PSD3: variants seen among roughly 807,000 people sequenced by gnomAD.
The protein encoded by PSD3 is PH and SEC7 domain-containing protein 3.
Under a neutral mutation model 105.5 loss-of-function variants are expected in PSD3, and 49 were observed. The ratio of observed to expected loss-of-function variants is 0.46; its 90% CI spans 0.37 to 0.59. PSD3 has a LOEUF of 0.59. PSD3 is among the 20% of genes least tolerant of loss of function. PSD3 has a pLI of 0.00. For missense variants in PSD3, 1,561 were observed against 1,263.8 expected, an observed-to-expected ratio of 1.24 and a Z score of -3.57; for synonymous variants, 557 against 457.8, an observed-to-expected ratio of 1.22 and a Z score of -2.77.
At chr8:18,958,024 C>T (rs1329334340) in intron 1 of PSD3, among the ~76,000 whole-genome samples, 3 of 152,272 alleles carry the variant, frequency 2.0e-5, no homozygotes, top group African/African-American at 4.8e-5. Flanking sequence ...CAACTCAACT[C>T]TTAATAATTT....
At chr8:18,835,913 A>G (rs1814072085) in intron 4 of PSD3, among the ~76,000 whole-genome samples, 1 of 151,986 alleles carries the variant, frequency 6.6e-6, no homozygotes, top group South Asian at 2.1e-4. Flanking sequence ...CTTGGAGGTC[A>G]TGGTAAAGGC....
chr8:18,544,892 G>A (rs536472229), intron 15 of PSD3, among the ~76,000 whole-genome samples: 1 of 152,254 alleles, frequency 6.6e-6, no homozygotes, highest in African/African-American at 2.4e-5. Flanking sequence ...AGAGGAAGGA[G>A]AGCTGAGTGA....
At chr8:18,675,655 C>G (rs145913310) in intron 9 of PSD3, among the ~76,000 whole-genome samples, 7 of 151,936 alleles carry the variant, frequency 4.6e-5, no homozygotes, top group Non-Finnish European at 8.8e-5. Flanking sequence ...TCTACGTGTC[C>G]AAACAGGTAC....
At chr8:18,765,571 C>T (rs1806912942) in intron 8 of PSD3, 33 bp from the exon 9 acceptor site, 3 of 1,458,622 alleles carry the variant, frequency 2.1e-6, no homozygotes, top group Non-Finnish European at 2.9e-6. Context: ...ATCACTATGA[C>T]ATTCATGGAA....
In PSD3 at chr8:18,960,066, G is replaced by A. The variant is rs908905013; in HGVS notation, c.22-23924C>T. Among the ~76,000 whole-genome samples the A allele has an allele frequency of 4.6e-5, 7 of 152,254 alleles. No individual in the cohort carries two copies. The South Asian group carries it at 1.2e-3, about 27-fold the overall frequency. ...CATTATCGATTCCTTGGAATTCCTA[G>A]GGAACCTAATGCCTGGGCACTGTTT... On this transcript the variant is annotated intron_variant, in intron 1 of 15. Transcript: ENST00000327040.
At chr8:18,934,872 A>G (rs945757478) in intron 2 of PSD3, among the ~76,000 whole-genome samples, 1 of 152,234 alleles carries the variant, frequency 6.6e-6, no homozygotes, top group African/African-American at 2.4e-5. Flanking sequence ...GGTTTTCCAT[A>G]AAATTACACG....
At chr8:18,713,233 G>T (rs1802365268) in intron 9 of PSD3, among the ~76,000 whole-genome samples, 1 of 152,136 alleles carries the variant, frequency 6.6e-6, no homozygotes, top group Admixed American at 6.5e-5. Flanking sequence ...ACAAGACAAG[G>T]ATGCCCTCTT....
At chr8:18,582,233 C>G (rs1468521232) in intron 12 of PSD3, among the ~76,000 whole-genome samples, 1 of 152,144 alleles carries the variant, frequency 6.6e-6, no homozygotes, top group Non-Finnish European at 1.5e-5. Flanking sequence ...CCTCTGCATC[C>G]TCAACTCTCC....
intron 11 of PSD3, among the ~76,000 whole-genome samples, chr8:18,627,320 T>C (rs1565135): frequency 0.097 from 14,774 of 151,948 alleles, 1,012 homozygotes; most frequent in East Asian, 0.19. Flanking sequence ...TTTGTAGAGC[T>C]GCGTAAAACA....
At chr8:18,892,695 G>C (rs1322230186) in intron 2 of PSD3, among the ~76,000 whole-genome samples, 1 of 149,150 alleles carries the variant, frequency 6.7e-6, no homozygotes, top group African/African-American at 2.5e-5. Context: ...CGTCATCTTG[G>C]CTCACTGCAA....
chr8:18,806,767 T>G (rs529855049), intron 4 of PSD3, among the ~76,000 whole-genome samples: 1 of 152,310 alleles, frequency 6.6e-6, no homozygotes, highest in South Asian at 2.1e-4. Context: ...GTTCTTTAAC[T>G]TGGCTTGCAT....
chr8:18,720,386 T>A (rs973002623), intron 9 of PSD3, among the ~76,000 whole-genome samples: 1 of 152,142 alleles, frequency 6.6e-6, no homozygotes, highest in Non-Finnish European at 1.5e-5. Context: ...CACATTTTAA[T>A]AAAATATCTA....
At chr8:18,651,812 C>T (rs894954205) in intron 10 of PSD3, among the ~76,000 whole-genome samples, 3 of 152,162 alleles carry the variant, frequency 2.0e-5, no homozygotes, top group African/African-American at 7.2e-5. Flanking sequence ...TTATGGGATA[C>T]AGGTTCCTAG....
At chr8:18,962,556 T>C (rs1306531742) in intron 1 of PSD3, among the ~76,000 whole-genome samples, 2 of 152,196 alleles carry the variant, frequency 1.3e-5, no homozygotes, top group African/African-American at 4.8e-5. Flanking sequence ...TGCCTTTTTT[T>C]ACAAAGTAAA....
At chr8:18,667,214 A>G (rs556453349) in intron 9 of PSD3, among the ~76,000 whole-genome samples, 7 of 152,096 alleles carry the variant, frequency 4.6e-5, no homozygotes, top group African/African-American at 1.7e-4. Context: ...AGAGCCGATT[A>G]CTCTGTTTTA....
chr8:18,544,524 T>A (rs1800343904), intron 15 of PSD3, among the ~76,000 whole-genome samples: 1 of 152,124 alleles, frequency 6.6e-6, no homozygotes, highest in South Asian at 2.1e-4. Context: ...CACATTTTTA[T>A]TTATATAGTT....
chr8:19,049,503 A>G (rs564040710), intron 1 of PSD3, among the ~76,000 whole-genome samples: 1 of 152,140 alleles, frequency 6.6e-6, no homozygotes, highest in South Asian at 2.1e-4. Flanking sequence ...CAGCCCAGAC[A>G]ACATAGCAAG....
intron 11 of PSD3, among the ~76,000 whole-genome samples, chr8:18,600,689 G>A (rs1048168430): frequency 3.9e-5 from 6 of 152,108 alleles, no homozygotes; most frequent in Non-Finnish European, 7.4e-5. Flanking sequence ...TGAAACACAA[G>A]GCAATAACTT....
intron 15 of PSD3, among the ~76,000 whole-genome samples, chr8:18,549,656 T>C (rs181490335): frequency 6.6e-6 from 1 of 152,370 alleles, no homozygotes; most frequent in East Asian, 1.9e-4. Context: ...TCTGCCATCT[T>C]GCTGATGTCA....
Sources: allele counts gnomAD v4.1 joint callset (sites outside exome capture counted in the v4.1 genomes callset), GRCh38; gene constraint gnomAD v4.1.1; transcripts MANE v1.5; gene names NCBI Gene and HGNC (gene_info 2026-07-23, HGNC 2026-07-21).